ADGRD1: variants seen among roughly 807,000 people sequenced by gnomAD.
ADGRD1 encodes the protein adhesion G protein-coupled receptor D1.
A neutral mutation model predicts 113.4 loss-of-function variants in ADGRD1; 77 were observed. The observed-to-expected ratio is 0.68, with a 90% CI of 0.57 to 0.82. ADGRD1 has a LOEUF of 0.82. ADGRD1 is among the 40% of genes least tolerant of loss of function. ADGRD1 has a pLI of 0.00. For missense variants in ADGRD1, 1,036 were observed against 1,139.1 expected (o/e 0.91, Z 1.30); for synonymous variants, 474 against 475.0 (o/e 1.00, Z 0.03).
intron 13 of ADGRD1, among the ~76,000 whole-genome samples, chr12:131,051,317 T>C (rs553794433): frequency 6.6e-6 from 1 of 152,366 alleles, no homozygotes; most frequent in East Asian, 1.9e-4. Context: ...TTTCCTTCTT[T>C]TCTGCTGTTT....
intron 2 of ADGRD1, among the ~76,000 whole-genome samples, chr12:130,961,722 G>C (rs1464531554): frequency 2.0e-5 from 3 of 152,114 alleles, no homozygotes; most frequent in East Asian, 1.9e-4. Flanking sequence ...TTTACTCCTT[G>C]AGTTGGAAAA....
At chr12:131,108,329 T>G (rs1566117274) in intron 17 of ADGRD1, among the ~76,000 whole-genome samples, 1 of 152,148 alleles carries the variant, frequency 6.6e-6, no homozygotes, top group Non-Finnish European at 1.5e-5. Flanking sequence ...AGTTCCTTGC[T>G]CCAGTCCTCA....
chr12:131,131,183 C>T (rs1950915745), intron 20 of ADGRD1, among the ~76,000 whole-genome samples: 2 of 152,194 alleles, frequency 1.3e-5, no homozygotes, highest in Admixed American at 1.3e-4. Flanking sequence ...TAGGTCCCAA[C>T]AGGAGCCTTC....
chr12:131,006,171 T>TC (rs1877091086), intron 12 of ADGRD1, 124 bp downstream of exon 12: 10 of 849,146 alleles, frequency 1.2e-5, no homozygotes, highest in Non-Finnish European at 1.7e-5. Context: ...ACCGGGCGCT[T>TC]CACTGCTCGG....
In ADGRD1 at chr12:131,139,371, A is replaced by G; in HGVS notation, c.*108A>G. On this transcript the variant is annotated 3_prime_UTR_variant, in exon 25 of 25. Coordinates refer to ENST00000261654, the MANE Select transcript of ADGRD1 (RefSeq NM_198827.5). The stretch of plus-strand genomic sequence containing the variant: ...ACCCTCTCCTTGCTGCTGTCTGGAC[A>G]TGGGTGTTGTGGCCCCGAGACAGCT... 5.2e-6 allele frequency: 4 copies of G among 764,778 alleles called. No individual in the cohort carries two copies. Among genetic ancestry groups the G allele is most frequent in the Non-Finnish European group, 8.7e-6 (4 of 458,958 alleles). The allele number at this position is 764,778 out of a possible 1,614,324, so 47.4% of individuals were successfully genotyped here.
chr12:131,121,037 G>A (rs1285758442), intron 20 of ADGRD1, 124 bp downstream of exon 20: 5 of 818,570 alleles, frequency 6.1e-6, no homozygotes, highest in East Asian at 2.5e-5. Context: ...GTCGTTCCTC[G>A]GTCACTCCTC....
chr12:131,065,274 T>A (rs1201295352), intron 13 of ADGRD1, among the ~76,000 whole-genome samples: 1 of 152,218 alleles, frequency 6.6e-6, no homozygotes, highest in East Asian at 1.9e-4. Flanking sequence ...GGGAAGCGAT[T>A]GACCAGAGTG....
At chr12:131,013,788 C>T (rs1447793890) in intron 12 of ADGRD1, among the ~76,000 whole-genome samples, 1 of 152,152 alleles carries the variant, frequency 6.6e-6, no homozygotes, top group African/African-American at 2.4e-5. Context: ...AGTTACCTGC[C>T]CAAGGTCACA....
chr12:130,958,804 T>C (rs1869996058), intron 2 of ADGRD1, among the ~76,000 whole-genome samples: 1 of 147,024 alleles, frequency 6.8e-6, no homozygotes, highest in South Asian at 2.1e-4. Context: ...TAAAGAGTGC[T>C]AAACAGCTAT....
intron 18 of ADGRD1, among the ~76,000 whole-genome samples, chr12:131,110,804 G>T (rs1593232842): frequency 6.6e-6 from 1 of 152,162 alleles, no homozygotes; most frequent in Admixed American, 6.5e-5. Flanking sequence ...TTCTTGTAAG[G>T]CATGTCTGCT....
intron 15 of ADGRD1, among the ~76,000 whole-genome samples, chr12:131,092,850 AAC>A (rs1210490795): frequency 6.6e-6 from 1 of 152,112 alleles, no homozygotes; most frequent in African/African-American, 2.4e-5. Context: ...AGTATTCCAA[AAC>A]ACAGACATTT....
At chr12:131,076,670 T>C (rs1885640988) in intron 13 of ADGRD1, 131 bp from the exon 14 acceptor site, 3 of 746,960 alleles carry the variant, frequency 4.0e-6, no homozygotes, top group Non-Finnish European at 2.4e-6. Flanking sequence ...TGGATGGAGA[T>C]AGACATCAGT....
At chr12:131,086,510 G>A (rs942340237) in intron 15 of ADGRD1, among the ~76,000 whole-genome samples, 1 of 152,238 alleles carries the variant, frequency 6.6e-6, no homozygotes, top group Non-Finnish European at 1.5e-5. Context: ...TGTGTGCAGA[G>A]GCCTGATGGA....
chr12:130,955,123 C>CTTTT (rs71451389), intron 2 of ADGRD1, among the ~76,000 whole-genome samples: 33,058 of 99,590 alleles, frequency 0.33, 6,625 homozygotes, highest in East Asian at 0.67. Flanking sequence ...CTACACCCAG[C>CTTTT]TTTTTTTTTT....
chr12:130,993,311 G>C (rs932455993), intron 8 of ADGRD1, among the ~76,000 whole-genome samples: 3 of 151,832 alleles, frequency 2.0e-5, no homozygotes, highest in Non-Finnish European at 4.4e-5. Flanking sequence ...GAGACATCTT[G>C]GAATGGAGGG....
chr12:131,061,045 G>A (rs766571657), intron 13 of ADGRD1, among the ~76,000 whole-genome samples: 8 of 152,206 alleles, frequency 5.3e-5, no homozygotes, highest in African/African-American at 1.4e-4. Context: ...CATGCAGGGC[G>A]TCATATTCTC....
At chr12:130,961,479 GT>G (rs572244051) in intron 2 of ADGRD1, among the ~76,000 whole-genome samples, 131 of 151,122 alleles carry the variant, frequency 8.7e-4, no homozygotes, top group African/African-American at 3.1e-3. Context: ...CCTGCTACTT[GT>G]TTTGCAGGCT....
intron 15 of ADGRD1, among the ~76,000 whole-genome samples, chr12:131,088,211 G>C (rs1175554281): frequency 6.6e-6 from 1 of 152,222 alleles, no homozygotes; most frequent in Non-Finnish European, 1.5e-5. Context: ...CCCAGAGAGA[G>C]GGGGGCGCTT....
At chr12:131,085,425 G>A (rs1196225113) in intron 15 of ADGRD1, among the ~76,000 whole-genome samples, 1 of 114,638 alleles carries the variant, frequency 8.7e-6, no homozygotes, top group Non-Finnish European at 1.9e-5. Context: ...GGAGGCGGGA[G>A]GCAGGGAGGA....
Sources: allele counts gnomAD v4.1 joint callset (sites outside exome capture counted in the v4.1 genomes callset), GRCh38; gene constraint gnomAD v4.1.1; transcripts MANE v1.5; gene names NCBI Gene and HGNC (gene_info 2026-07-23, HGNC 2026-07-21).